The following UTP11 variants were observed in gnomAD, a reference collection of about 807,000 sequenced individuals.
The protein encoded by UTP11 is probable U3 small nucleolar RNA-associated protein 11.
Under a neutral mutation model 39.0 loss-of-function variants are expected in UTP11, and 29 were observed. The observed-to-expected ratio is 0.74, with a 90% CI of 0.55 to 1.01. The LOEUF (loss-of-function observed/expected upper bound fraction) is 1.01. Ranked by LOEUF, UTP11 falls within the 50% of genes least tolerant of loss-of-function variation. The pLI is 0.00. For synonymous variants in UTP11, 111 were observed against 105.0 expected (o/e 1.06, Z -0.35); for missense variants, 281 against 306.0 (o/e 0.92, Z 0.61).
chr1:38,022,531 G>A (rs1239195888), intron 6 of UTP11, among the ~76,000 whole-genome samples, 168 bp from the exon 7 acceptor site: 1 of 152,176 alleles, frequency 6.6e-6, no homozygotes, highest in Non-Finnish European at 1.5e-5. Context: ...GCTCCAGAAT[G>A]TGATGTTCCT....
chr1:38,012,901 G>C (rs1185671974), intron 1 of UTP11, 36 bp downstream of exon 1: 14 of 1,613,714 alleles, frequency 8.7e-6, no homozygotes, highest in Non-Finnish European at 1.1e-5. Flanking sequence ...GCTGGCCTTT[G>C]TCGCCATGTG....
Position 38,017,180 on chromosome 1 carries a change from G to T in UTP11, c.126-488G>T, listed in dbSNP as rs192585972. 3.1e-3 allele frequency: 479 copies of T among 152,826 alleles called. 2 individuals are homozygous for T. Among genetic ancestry groups the T allele is most frequent in the Non-Finnish European group, 5.7e-3 (391 of 68,438 alleles). 9.5% of individuals were successfully genotyped at this position (152,826 alleles called of 1,614,324 possible). On this transcript the variant is annotated intron_variant, in intron 2 of 7. Transcript: ENST00000373014. ...TTTTACAAATGAAATTGGGATTCAG[G>T]ATGGTTAAATAACTTATCCAAGGTT...
chr1:38,021,219 C>A (rs1646736156), intron 6 of UTP11, among the ~76,000 whole-genome samples: 1 of 152,180 alleles, frequency 6.6e-6, no homozygotes, highest in Non-Finnish European at 1.5e-5. Context: ...CCGCGCCCGG[C>A]AATTAGGTGT....
intron 2 of UTP11, chr1:38,017,076 G>A (rs1646710973): frequency 6.5e-6 from 1 of 152,768 alleles, no homozygotes; most frequent in Admixed American, 6.5e-5. Context: ...GCCAGGCAGT[G>A]TTCTAGGATA....
At chr1:38,016,151 T>C (rs760165447) in intron 1 of UTP11, among the ~76,000 whole-genome samples, 20 of 152,264 alleles carry the variant, frequency 1.3e-4, no homozygotes, top group Non-Finnish European at 2.9e-4. Context: ...ACAGCAGTGC[T>C]TGTGACCTGT....
Position 38,024,219 on chromosome 1 carries a change from T to A in UTP11, c.*591T>A, listed in dbSNP as rs1009164290. Reference sequence around the variant, plus strand: ...ATTAATTCATTCCTAATCCCAGTGCTTATTCAATAATAACAAATATTTATT... The same window carrying A: ...ATTAATTCATTCCTAATCCCAGTGCATATTCAATAATAACAAATATTTATT... On this transcript the variant is annotated 3_prime_UTR_variant, in exon 8 of 8. Transcript: ENST00000373014. 6.6e-6 allele frequency: 1 copy of A among 152,268 alleles called. No individual in the cohort carries two copies. Among genetic ancestry groups the A allele is most frequent in the African/African-American group, 2.4e-5 (1 of 41,454 alleles). The allele number at this position is 152,268 out of a possible 1,614,324, so 9.4% of individuals were successfully genotyped here. A position where few individuals can be genotyped will look rare whatever the true frequency, so the allele number is the denominator to read the frequency against.
chr1:38,014,349 C>T lies in UTP11; in HGVS notation c.63+1484C>T, dbSNP rs1218469775. ...GGGTAAACCGTTGACACAAACGTTC[C>T]ATATTTGGGTAGTTTGGACTTTATC... On this transcript the variant is annotated intron_variant, in intron 1 of 7. Coordinates refer to ENST00000373014, the MANE Select transcript of UTP11 (RefSeq NM_016037.4). 2.6e-5 allele frequency among the ~76,000 whole-genome samples: 4 copies of T among 152,188 alleles called. No individual in the cohort carries two copies. In the East Asian group the frequency reaches 5.8e-4, roughly 22 times the overall value.
chr1:38,019,449 T>TG (rs2148738353), intron 6 of UTP11, 66 bp downstream of exon 6: 1 of 1,363,856 alleles, frequency 7.3e-7, no homozygotes, highest in East Asian at 2.6e-5. Flanking sequence ...TTTTGTTTTT[T>TG]TTTTTTTGCT....
chr1:38,022,569 T>G, intron 6 of UTP11, 130 bp from the exon 7 acceptor site: 1 of 646,536 alleles, frequency 1.5e-6, no homozygotes, highest in Non-Finnish European at 2.7e-6. Context: ...TGTTACCACG[T>G]TATGTTGATT....
At chr1:38,022,019 G>C (rs1431154407) in intron 6 of UTP11, among the ~76,000 whole-genome samples, 1 of 152,190 alleles carries the variant, frequency 6.6e-6, no homozygotes, top group Admixed American at 6.5e-5. Context: ...TCTCAGGTGA[G>C]CTTCTGCTGA....
intron 1 of UTP11, among the ~76,000 whole-genome samples, chr1:38,014,989 G>T (rs1024287821): frequency 6.6e-6 from 1 of 151,974 alleles, no homozygotes. Flanking sequence ...AAAGATGACT[G>T]TTAAAAATCC....
intron 2 of UTP11, chr1:38,017,410 CAT>C (rs938580620): frequency 2.6e-5 from 8 of 311,354 alleles, no homozygotes; most frequent in Non-Finnish European, 3.5e-5. Flanking sequence ...GGCACTGAAA[CAT>C]ATATAGGCTG....
Position 38,024,371 on chromosome 1 carries a change from A to T in UTP11, c.*743A>T, listed in dbSNP as rs1484861315. 6.6e-6 allele frequency: 1 copy of T among 150,424 alleles called. No homozygotes were observed. The highest frequency in any genetic ancestry group is 2.4e-5 in the African/African-American group (1 of 41,036). 9.3% of individuals were successfully genotyped at this position (150,424 alleles called of 1,614,324 possible). A position where few individuals can be genotyped will look rare whatever the true frequency, so the allele number is the denominator to read the frequency against. ...GTCCATGTTTTTGTGTTTTATAGTT[A>T]CAGTAAACAATTTGATGTCCTACTT... On this transcript the variant is annotated 3_prime_UTR_variant, in exon 8 of 8. Transcript: ENST00000373014.
At chr1:38,020,085 G>A (rs1232307178) in intron 6 of UTP11, among the ~76,000 whole-genome samples, 3 of 151,938 alleles carry the variant, frequency 2.0e-5, no homozygotes, top group East Asian at 1.9e-4. Flanking sequence ...CAGTGAATAC[G>A]CACATCAAAA....
rs764182531 is a variant in UTP11 at position 38,023,558 on chromosome 1, A to G, written c.692A>G (p.Lys231Arg). ...ACTCTTTTGTAGGATAAAACTCAGA[A>G]AGTGAAGGTGAAGAAAGAAACGGTG... The part of the protein sequence containing the change: ...TRKDLMDKTQ[K>R]VKVKKETVNS... The change falls in exon 8 of 8, where the codon AAA becomes AGA. Residue 231 changes from lysine to arginine, a missense_variant. By Grantham distance (26) the Lys-to-Arg change is conservative (BLOSUM62 2). Transcript: ENST00000373014. 6.2e-7 allele frequency: 1 copy of G among 1,610,798 alleles called. No homozygotes were observed. Among genetic ancestry groups the G allele is most frequent in the South Asian group, 1.1e-5 (1 of 90,112 alleles).
At position 38,017,695 on chromosome 1, in the gene UTP11, C is replaced by T; in HGVS notation, c.153C>T (p.Leu51=). ...ACTACCGTAAAAAACAAGAATACCT[C>T]AAAGCTCTTCGGAAGAAGGCTCTTG... ...ADDYRKKQEY[L]KALRKKALEK... The change falls in exon 3 of 8, where the codon CTC becomes CTT. Residue 51 remains leucine (L), a synonymous_variant. Coordinates refer to ENST00000373014, the MANE Select transcript of UTP11 (RefSeq NM_016037.4). The T allele has an allele frequency of 1.2e-6, 2 of 1,604,036 alleles. No homozygotes were observed. The highest frequency in any genetic ancestry group is 1.1e-5 in the South Asian group (1 of 90,494).
At chr1:38,022,160 G>T (rs906408050) in intron 6 of UTP11, among the ~76,000 whole-genome samples, 2 of 152,100 alleles carry the variant, frequency 1.3e-5, no homozygotes, top group South Asian at 2.1e-4. Flanking sequence ...ATTCATTCCT[G>T]CCATCATCTC....
intron 6 of UTP11, among the ~76,000 whole-genome samples, chr1:38,020,248 T>C (rs1646728748): frequency 6.6e-6 from 1 of 151,950 alleles, no homozygotes; most frequent in East Asian, 1.9e-4. Context: ...ACCACAGGTG[T>C]GTGCCACCAT....
At chr1:38,022,583 G>C in intron 6 of UTP11, 116 bp from the exon 7 acceptor site, 1 of 680,054 alleles carries the variant, frequency 1.5e-6, no homozygotes, top group South Asian at 1.8e-5. Context: ...GTTGATTCTG[G>C]TGAAAGAAGG....
Sources: allele counts gnomAD v4.1 joint callset (sites outside exome capture counted in the v4.1 genomes callset), GRCh38; gene constraint gnomAD v4.1.1; transcripts MANE v1.5; gene names NCBI Gene and HGNC (gene_info 2026-07-23, HGNC 2026-07-21).